The following LAMA2 variants were observed in gnomAD, a reference collection of about 807,000 sequenced individuals.
LAMA2 encodes the protein laminin subunit alpha 2, also known as laminin subunit alpha-2.
LAMA2 carries 269 observed loss-of-function variants against 364.8 expected under a neutral mutation model. That is an observed-to-expected ratio of 0.74 (90% CI 0.67 to 0.82). The LOEUF is 0.82. LAMA2 is among the 40% of genes least tolerant of loss of function. The pLI is 0.00. For synonymous variants in LAMA2, 1,379 were observed against 1,370.6 expected (o/e 1.01, Z -0.14); for missense variants, 3,807 against 3,873.2 (o/e 0.98, Z 0.45).
In LAMA2 at chr6:129,205,478, G is replaced by GTATA. The variant is rs749614184; in HGVS notation, c.1782+12638_1782+12641dup. 8.4e-4 allele frequency among the ~76,000 whole-genome samples: 98 copies of GTATA among 116,394 alleles called. 5 individuals carry two copies. Among genetic ancestry groups the GTATA allele is most frequent in the African/African-American group, 3.8e-3 (84 of 22,112 alleles). The allele number at this position is 116,394 out of a possible 152,430, so 76.4% of individuals were successfully genotyped here. On this transcript the variant is annotated intron_variant, in intron 12 of 64. Coordinates refer to ENST00000421865, the MANE Select transcript of LAMA2 (RefSeq NM_000426.4). ...TCTCTTCTGGGAATTTATTCTGTAA[G>GTATA]TATATATATATATATACACACACAC...
chr6:129,355,610 A>C (rs1386016980), intron 32 of LAMA2, among the ~76,000 whole-genome samples: 1 of 152,126 alleles, frequency 6.6e-6, no homozygotes, highest in Non-Finnish European at 1.5e-5. Flanking sequence ...TGGGGGTGAG[A>C]GTAAGGGAGG....
chr6:129,452,820 C>T (rs1277128710), intron 45 of LAMA2, among the ~76,000 whole-genome samples, 168 bp from the exon 46 acceptor site: 1 of 152,172 alleles, frequency 6.6e-6, no homozygotes, highest in Non-Finnish European at 1.5e-5. Context: ...CTTCTGTGCC[C>T]TCATTAATGA....
chr6:129,493,806 G>A (rs867966723), intron 58 of LAMA2, among the ~76,000 whole-genome samples: 1 of 152,134 alleles, frequency 6.6e-6, no homozygotes, highest in African/African-American at 2.4e-5. Context: ...GGCAGAGTAA[G>A]AATTTTATTC....
intron 8 of LAMA2, among the ~76,000 whole-genome samples, chr6:129,155,297 A>G (rs763788699): frequency 6.6e-6 from 1 of 152,136 alleles, no homozygotes; most frequent in Non-Finnish European, 1.5e-5. Flanking sequence ...GCTTAACTTT[A>G]TAAGAAACCG....
chr6:128,961,207 A>G (rs548361681), intron 1 of LAMA2, among the ~76,000 whole-genome samples: 36 of 149,858 alleles, frequency 2.4e-4, no homozygotes, highest in African/African-American at 8.1e-4. Flanking sequence ...CATTTTTAGT[A>G]TGAATTCTTA....
intron 11 of LAMA2, among the ~76,000 whole-genome samples, chr6:129,192,167 T>C (rs754556079): frequency 2.6e-5 from 4 of 152,186 alleles, no homozygotes; most frequent in African/African-American, 4.8e-5. Context: ...GGGGTGGAAA[T>C]ACTGAATGAA....
intron 1 of LAMA2, among the ~76,000 whole-genome samples, chr6:128,912,629 A>G (rs1404405646): frequency 2.0e-5 from 3 of 152,248 alleles, no homozygotes; most frequent in Admixed American, 1.3e-4. Context: ...TGCATTTTGA[A>G]TGAGAAGTCA....
At chr6:129,252,969 T>C (rs1786373106) in intron 14 of LAMA2, among the ~76,000 whole-genome samples, 1 of 152,214 alleles carries the variant, frequency 6.6e-6, no homozygotes, top group Non-Finnish European at 1.5e-5. Context: ...TTTGTTAACA[T>C]GATATGTGAT....
At chr6:129,021,765 A>C (rs1468675193) in intron 1 of LAMA2, among the ~76,000 whole-genome samples, 2 of 152,244 alleles carry the variant, frequency 1.3e-5, no homozygotes, top group Admixed American at 1.3e-4. Flanking sequence ...AAATAGCCAA[A>C]GGGAAGAAAG....
chr6:129,046,360 G>A (rs1049723009), intron 1 of LAMA2, among the ~76,000 whole-genome samples: 2 of 152,170 alleles, frequency 1.3e-5, no homozygotes, highest in African/African-American at 2.4e-5. Context: ...ACATGGCTGG[G>A]GAGGTCTCAC....
intron 45 of LAMA2, among the ~76,000 whole-genome samples, chr6:129,451,859 T>C (rs1378918038): frequency 6.6e-6 from 1 of 152,182 alleles, no homozygotes; most frequent in African/African-American, 2.4e-5. Context: ...ATATGGAGGC[T>C]GTTTTGGTTT....
chr6:129,419,921 G>C (rs1035730665), intron 40 of LAMA2, among the ~76,000 whole-genome samples: 4 of 151,982 alleles, frequency 2.6e-5, no homozygotes, highest in African/African-American at 4.8e-5. Context: ...ACTTAAAAAT[G>C]TACAGTACTA....
At chr6:129,135,608 T>A (rs192994235) in intron 4 of LAMA2, among the ~76,000 whole-genome samples, 73 of 152,332 alleles carry the variant, frequency 4.8e-4, no homozygotes, top group African/African-American at 1.6e-3. Flanking sequence ...GACTAATGAT[T>A]TTATCCTCTT....
chr6:129,056,587 G>T (rs1788505454), intron 2 of LAMA2, among the ~76,000 whole-genome samples: 1 of 151,958 alleles, frequency 6.6e-6, no homozygotes, highest in African/African-American at 2.4e-5. Context: ...ATCCATATCT[G>T]GAATAGGACT....
chr6:129,251,074 CTCTATATATATATATATATA>C (rs1786191878), intron 13 of LAMA2, among the ~76,000 whole-genome samples: 1 of 60,512 alleles, frequency 1.7e-5, no homozygotes. Context: ...CTCTCTCTCT[CTCTATATATATATATATATA>C]TATATATATA....
chr6:129,053,790 A>G (rs1486159885), intron 2 of LAMA2, among the ~76,000 whole-genome samples: 1 of 152,224 alleles, frequency 6.6e-6, no homozygotes, highest in African/African-American at 2.4e-5. Context: ...TGAATGATGA[A>G]GAAGAAGAGG....
chr6:129,440,780 CTTTGT>C, intron 42 of LAMA2, 31 bp from the exon 43 acceptor site: 1 of 1,595,202 alleles, frequency 6.3e-7, no homozygotes, highest in Non-Finnish European at 8.6e-7. Context: ...ACTCCACACC[CTTTGT>C]TTTGTTTTTC....
Position 129,380,354 on chromosome 6 carries a change from A to G in LAMA2, c.4960-2768A>G, listed in dbSNP as rs140083846. On this transcript the variant is annotated intron_variant, in intron 34 of 64. Coordinates refer to ENST00000421865, the MANE Select transcript of LAMA2 (RefSeq NM_000426.4). ...TAGGAAAATTGTTTTTTAGTCCTGT[A>G]TATAACAACTTTAGAGAATATTTAC... Among the ~76,000 whole-genome samples, 8 of 152,316 alleles carry G rather than the reference A, an allele frequency of 5.3e-5. No homozygotes were observed. In the East Asian group the frequency reaches 1.4e-3, roughly 26 times the overall value.
chr6:129,211,473 C>T (rs577064983), intron 12 of LAMA2, among the ~76,000 whole-genome samples: 1 of 152,292 alleles, frequency 6.6e-6, no homozygotes, highest in South Asian at 2.1e-4. Context: ...TACCTTAGTC[C>T]TCTGCTTAAA....
Sources: gnomAD v4.1 joint callset for allele counts (sites outside exome capture counted in the v4.1 genomes callset) on GRCh38, gnomAD v4.1.1 for gene constraint, MANE v1.5 for transcripts, NCBI Gene and HGNC (gene_info 2026-07-23, HGNC 2026-07-21) for gene names.